The following ROBO1 variants were observed in gnomAD, a reference collection of about 807,000 sequenced individuals.
ROBO1 encodes roundabout guidance receptor 1.
A neutral mutation model predicts 195.9 loss-of-function variants in ROBO1; 149 were observed. The observed-to-expected ratio is 0.76, with a 90% CI of 0.67 to 0.87. The LOEUF is 0.87. Among genes scored for constraint, ROBO1 ranks in the 40% least tolerant of loss-of-function variants. The probability of loss-of-function intolerance (pLI) is 0.00; values close to 1 mark genes in which losing one functional copy is unlikely to be tolerated. For synonymous variants in ROBO1, 816 were observed against 733.2 expected (o/e 1.11, Z -1.82); for missense variants, 1,933 against 2,068.3 (o/e 0.93, Z 1.27).
chr3:78,640,352 T>C (rs1006604708), intron 21 of ROBO1, among the ~76,000 whole-genome samples: 1 of 152,176 alleles, frequency 6.6e-6, no homozygotes, highest in African/African-American at 2.4e-5. Flanking sequence ...CAATAGATTC[T>C]TCAAATTAAA....
At chr3:79,268,323 G>GT (rs2108962363) in intron 2 of ROBO1, among the ~76,000 whole-genome samples, 1 of 151,726 alleles carries the variant, frequency 6.6e-6, no homozygotes, top group South Asian at 2.1e-4. Context: ...TATTCTATAA[G>GT]TTGGAAGTGT....
chr3:79,527,899 A>C (rs2107601384), intron 2 of ROBO1: 1 of 152,528 alleles, frequency 6.6e-6, no homozygotes, highest in South Asian at 2.1e-4. Flanking sequence ...TGGAATGGAG[A>C]TGTAGCAGAT....
At chr3:79,025,523 A>C (rs889717772) in intron 3 of ROBO1, among the ~76,000 whole-genome samples, 3 of 152,150 alleles carry the variant, frequency 2.0e-5, no homozygotes, top group Non-Finnish European at 4.4e-5. Flanking sequence ...GAATGAATGA[A>C]TGAGTTTTAT....
At chr3:79,466,190 C>G (rs1038160274) in intron 2 of ROBO1, among the ~76,000 whole-genome samples, 7 of 152,018 alleles carry the variant, frequency 4.6e-5, no homozygotes, top group African/African-American at 1.4e-4. Context: ...AATATACATA[C>G]ATATTTTTGA....
intron 4 of ROBO1, among the ~76,000 whole-genome samples, chr3:78,883,330 T>A (rs1193153097): frequency 6.6e-6 from 1 of 152,136 alleles, no homozygotes; most frequent in Non-Finnish European, 1.5e-5. Context: ...CAAATGCTTC[T>A]TTACATCAAT....
rs564044088 is a variant in ROBO1, at chr3:79,230,000, G to A, written c.89-104461C>T. 3.9e-5 allele frequency among the ~76,000 whole-genome samples: 6 copies of A among 152,142 alleles called. No individual in the cohort carries two copies. The South Asian group carries it at 6.2e-4, about 16-fold the overall frequency. On this transcript the variant is annotated intron_variant, in intron 2 of 30. Coordinates refer to ENST00000464233, the MANE Select transcript of ROBO1 (RefSeq NM_002941.4). ...ATTTCAAGAAAGTCTTCCAATCAGCGTTCTGTGAACTTCCAGAAACTAACC... is the reference window on the plus strand; with the variant it reads ...ATTTCAAGAAAGTCTTCCAATCAGCATTCTGTGAACTTCCAGAAACTAACC...
At chr3:79,498,209 A>T (rs1231433211) in intron 2 of ROBO1, among the ~76,000 whole-genome samples, 1 of 152,212 alleles carries the variant, frequency 6.6e-6, no homozygotes, top group Non-Finnish European at 1.5e-5. Context: ...TTCAAAGAAA[A>T]CATTTTATTG....
intron 4 of ROBO1, among the ~76,000 whole-genome samples, chr3:78,878,230 A>T (rs2107223633): frequency 6.6e-6 from 1 of 152,276 alleles, no homozygotes; most frequent in Non-Finnish European, 1.5e-5. Context: ...ACCTCAGCAA[A>T]ACTCCAATGT....
At chr3:79,466,262 G>A (rs1251036881) in intron 2 of ROBO1, among the ~76,000 whole-genome samples, 1 of 152,072 alleles carries the variant, frequency 6.6e-6, no homozygotes, top group African/African-American at 2.4e-5. Context: ...AAGAAATAAT[G>A]TTTTCAATGA....
chr3:79,338,466 C>A (rs1414255455), intron 2 of ROBO1, among the ~76,000 whole-genome samples: 3 of 152,114 alleles, frequency 2.0e-5, no homozygotes, highest in Admixed American at 6.6e-5. Flanking sequence ...ATTATATCAC[C>A]TGATTACCAG....
At chr3:78,647,884 A>G (rs1706399668) in intron 19 of ROBO1, among the ~76,000 whole-genome samples, 1 of 152,118 alleles carries the variant, frequency 6.6e-6, no homozygotes, top group Non-Finnish European at 1.5e-5. Context: ...ACACTCAGGA[A>G]GGGAATTATG....
chr3:79,487,022 G>A (rs1049881094), intron 2 of ROBO1, among the ~76,000 whole-genome samples: 2 of 152,006 alleles, frequency 1.3e-5, no homozygotes, highest in African/African-American at 4.8e-5. Context: ...ATCCCACAAT[G>A]TCCCACCCCT....
At chr3:79,277,927 A>G (rs970577842) in intron 2 of ROBO1, among the ~76,000 whole-genome samples, 2 of 152,030 alleles carry the variant, frequency 1.3e-5, no homozygotes, top group African/African-American at 2.4e-5. Flanking sequence ...AGAAAAACCT[A>G]AAGACTCTAC....
At chr3:79,125,377 T>C in intron 3 of ROBO1, 79 bp downstream of exon 3, 1 of 1,169,264 alleles carries the variant, frequency 8.6e-7, no homozygotes, top group Non-Finnish European at 1.3e-6. Context: ...ATTCGATTAA[T>C]TTTATACAGG....
chr3:79,310,054 C>T (rs938816464), intron 2 of ROBO1, among the ~76,000 whole-genome samples: 2 of 152,130 alleles, frequency 1.3e-5, no homozygotes, highest in African/African-American at 4.8e-5. Context: ...ATGGGGCACA[C>T]CAGGACCCAA....
At position 79,695,602 on chromosome 3, in the gene ROBO1, T is replaced by C. The variant is rs150437025; in HGVS notation, c.-51+72150A>G. Among the ~76,000 whole-genome samples the C allele has an allele frequency of 2.2e-3, 324 of 149,392 alleles. 4 individuals carry two copies. The highest frequency in any genetic ancestry group is 7.5e-3 in the African/African-American group (305 of 40,846). On this transcript the variant is annotated intron_variant, in intron 1 of 30. Transcript: ENST00000464233. ...AACAGAATAAGAACTACCTTGGGAGTGGAGAATGCAAAAAACTCCAGTGAC... is the reference window on the plus strand; with the variant it reads ...AACAGAATAAGAACTACCTTGGGAGCGGAGAATGCAAAAAACTCCAGTGAC...
At chr3:79,443,916 C>T (rs1404997373) in intron 2 of ROBO1, among the ~76,000 whole-genome samples, 8 of 149,280 alleles carry the variant, frequency 5.4e-5, no homozygotes, top group Admixed American at 5.4e-4. Flanking sequence ...TATTACAAGT[C>T]AGTGAAGGAA....
intron 2 of ROBO1, among the ~76,000 whole-genome samples, chr3:79,433,683 C>T (rs1412963190): frequency 6.6e-6 from 1 of 152,094 alleles, no homozygotes; most frequent in East Asian, 1.9e-4. Context: ...ACTTTCTTCA[C>T]AGAATTGGAA....
chr3:78,986,133 A>G (rs898420867), intron 3 of ROBO1, among the ~76,000 whole-genome samples: 8 of 152,202 alleles, frequency 5.3e-5, no homozygotes, highest in Admixed American at 4.6e-4. Context: ...GGGAAGGTCC[A>G]AGAAAATGAG....
Sources: gnomAD v4.1 joint callset for allele counts (sites outside exome capture counted in the v4.1 genomes callset) on GRCh38, gnomAD v4.1.1 for gene constraint, MANE v1.5 for transcripts, NCBI Gene and HGNC (gene_info 2026-07-23, HGNC 2026-07-21) for gene names.